ATP9A: variants seen among roughly 807,000 people sequenced by gnomAD.
ATP9A encodes probable phospholipid-transporting ATPase IIA.
Under a neutral mutation model 144.1 loss-of-function variants are expected in ATP9A, and 52 were observed. The observed-to-expected ratio is 0.36, with a 90% CI of 0.29 to 0.45. ATP9A has a LOEUF of 0.45. Ranked by LOEUF, ATP9A falls within the 20% of genes least tolerant of loss-of-function variation. ATP9A has a pLI of 1.00. For synonymous variants in ATP9A, 582 were observed against 557.4 expected (o/e 1.04, Z -0.62); for missense variants, 947 against 1,392.7 (o/e 0.68, Z 5.09).
intron 27 of ATP9A, among the ~76,000 whole-genome samples, chr20:51,601,855 C>T (rs2077144513): frequency 6.6e-6 from 1 of 151,830 alleles, no homozygotes; most frequent in Non-Finnish European, 1.5e-5. Flanking sequence ...TGCAGTGAGC[C>T]AACATTGCAC....
chr20:51,706,102 T>C (rs923594649), intron 4 of ATP9A, among the ~76,000 whole-genome samples: 1 of 152,246 alleles, frequency 6.6e-6, no homozygotes, highest in African/African-American at 2.4e-5. Flanking sequence ...GGAGGCTAGA[T>C]TGATAGGTTT....
chr20:51,708,766 T>A (rs1424335828), intron 4 of ATP9A, among the ~76,000 whole-genome samples: 1 of 151,964 alleles, frequency 6.6e-6, no homozygotes, highest in Non-Finnish European at 1.5e-5. Flanking sequence ...AATAAATAAA[T>A]CTAGTTTTGA....
At chr20:51,764,496 G>A (rs573501581) in intron 1 of ATP9A, among the ~76,000 whole-genome samples, 2 of 152,170 alleles carry the variant, frequency 1.3e-5, no homozygotes, top group Admixed American at 6.5e-5. Flanking sequence ...GCACGTCTTC[G>A]CAACATTCGC....
chr20:51,644,772 G>A (rs1056325325), intron 14 of ATP9A, among the ~76,000 whole-genome samples: 33 of 149,058 alleles, frequency 2.2e-4, no homozygotes, highest in African/African-American at 7.3e-4. Context: ...TTATTCTTCA[G>A]GTACTTTCAA....
At chr20:51,658,053 T>C (rs1188586550) in intron 13 of ATP9A, among the ~76,000 whole-genome samples, 1 of 152,118 alleles carries the variant, frequency 6.6e-6, no homozygotes, top group Non-Finnish European at 1.5e-5. Flanking sequence ...TTGAGCAACA[T>C]GGTAAAAAGA....
intron 3 of ATP9A, 60 bp from the exon 4 acceptor site, chr20:51,713,134 G>A (rs963116530): frequency 2.9e-5 from 43 of 1,477,850 alleles, no homozygotes; most frequent in East Asian, 7.3e-5. Flanking sequence ...GCAGCCAACC[G>A]TCCCCTCCTG....
At chr20:51,690,231 T>G (rs111671063) in intron 8 of ATP9A, among the ~76,000 whole-genome samples, 2 of 148,056 alleles carry the variant, frequency 1.4e-5, no homozygotes, top group Non-Finnish European at 3.0e-5. Context: ...CCATCCTGGC[T>G]AACACCGTGA....
intron 23 of ATP9A, among the ~76,000 whole-genome samples, chr20:51,613,437 G>T (rs996776934): frequency 6.6e-6 from 1 of 152,206 alleles, no homozygotes; most frequent in Non-Finnish European, 1.5e-5. Context: ...CTTAACAGGG[G>T]AGGAATCTTG....
intron 1 of ATP9A, among the ~76,000 whole-genome samples, chr20:51,765,781 C>T (rs773628555): frequency 3.9e-5 from 6 of 151,914 alleles, no homozygotes; most frequent in Non-Finnish European, 8.8e-5. Flanking sequence ...CATGGTGAAA[C>T]AACTCTCTCT....
intron 14 of ATP9A, among the ~76,000 whole-genome samples, chr20:51,641,342 G>C (rs1177294871): frequency 6.6e-6 from 1 of 151,864 alleles, no homozygotes; most frequent in African/African-American, 2.4e-5. Context: ...CTGGACAACA[G>C]AGCGAGACTG....
chr20:51,743,598 C>G (rs2077794552), intron 1 of ATP9A, among the ~76,000 whole-genome samples: 1 of 149,238 alleles, frequency 6.7e-6, no homozygotes, highest in Non-Finnish European at 1.5e-5. Flanking sequence ...CGGGGTTTCA[C>G]CATATTGGTC....
chr20:51,664,316 G>A (rs1238511924), intron 13 of ATP9A, among the ~76,000 whole-genome samples: 1 of 152,196 alleles, frequency 6.6e-6, no homozygotes, highest in Non-Finnish European at 1.5e-5. Flanking sequence ...GCTGGCTGCA[G>A]TGGCTCATGC....
intron 3 of ATP9A, among the ~76,000 whole-genome samples, chr20:51,713,814 C>T: frequency 6.6e-6 from 1 of 152,176 alleles, no homozygotes. Context: ...TTCCAATTTC[C>T]TTAACTACAG....
chr20:51,714,049 GGCAC>G (rs2077651342), intron 3 of ATP9A, among the ~76,000 whole-genome samples: 2 of 150,950 alleles, frequency 1.3e-5, no homozygotes, highest in Admixed American at 6.6e-5. Flanking sequence ...TGGGACTACA[GGCAC>G]GCACCACCAC....
At chr20:51,723,881 A>G (rs2077700812) in intron 3 of ATP9A, among the ~76,000 whole-genome samples, 1 of 152,120 alleles carries the variant, frequency 6.6e-6, no homozygotes, top group Non-Finnish European at 1.5e-5. Context: ...AATTAAAAAT[A>G]AAAATAGAGC....
intron 14 of ATP9A, among the ~76,000 whole-genome samples, chr20:51,641,667 A>T (rs1263323825): frequency 7.6e-5 from 11 of 145,198 alleles, no homozygotes; most frequent in Non-Finnish European, 1.7e-4. Context: ...AAATAAAAAT[A>T]AAAAAAATAA....
intron 11 of ATP9A, 62 bp from the exon 12 acceptor site, chr20:51,671,319 T>G: frequency 6.4e-7 from 1 of 1,566,990 alleles, no homozygotes; most frequent in Non-Finnish European, 8.8e-7. Context: ...TGTATCTTTA[T>G]AAAAACATGG....
intron 13 of ATP9A, among the ~76,000 whole-genome samples, chr20:51,658,037 A>G (rs931759018): frequency 6.6e-6 from 1 of 152,218 alleles, no homozygotes; most frequent in Non-Finnish European, 1.5e-5. Context: ...TCTTGGAAAA[A>G]TGGTTTTGAG....
chr20:51,725,884 G>C lies in ATP9A; in HGVS notation c.262C>G (p.Leu88Val). The C allele has an allele frequency of 6.2e-7, 1 of 1,613,936 alleles. No homozygotes were observed. The highest frequency in any genetic ancestry group is 8.5e-7 in the Non-Finnish European group (1 of 1,179,788). The change falls in exon 3 of 28, where the codon CTT (leucine) becomes GTT (valine). Residue 88 changes from leucine to valine, a missense_variant. Physicochemically the swap from Leu to Val is conservative, Grantham distance 32. Transcript: ENST00000338821. Reference sequence around the variant, plus strand: ...TCGGGAACAAACTGAGAGCAGGCAAGAAGTAAGAAATAGAGGTTGAAAAAG... The same window carrying C: ...TCGGGAACAAACTGAGAGCAGGCAACAAGTAAGAAATAGAGGTTGAAAAAG... ...KYFFNLYFLL[L>V]ACSQFVPEMR... is the part of the protein sequence containing the mutation.
Sources: gnomAD v4.1 joint callset for allele counts (sites outside exome capture counted in the v4.1 genomes callset) on GRCh38, gnomAD v4.1.1 for gene constraint, MANE v1.5 for transcripts, NCBI Gene and HGNC (gene_info 2026-07-23, HGNC 2026-07-21) for gene names.